Variants in RYR3 observed in about 807,000 individuals in gnomAD.
The protein encoded by RYR3 is brain ryanodine receptor-calcium release channel.
RYR3 carries 207 observed loss-of-function variants against 584.3 expected under a neutral mutation model. The observed-to-expected ratio is 0.35, with a 90% confidence interval of 0.32 to 0.40. RYR3 has a LOEUF of 0.40. Among genes scored for constraint, RYR3 ranks in the 10% least tolerant of loss-of-function variants. The pLI, the probability that RYR3 is intolerant of heterozygous loss-of-function variation, is 1.00. For synonymous variants in RYR3, 2,416 were observed against 2,248.5 expected (o/e 1.07, Z -2.11); for missense variants, 5,616 against 6,089.2 (o/e 0.92, Z 2.59).
intron 18 of RYR3, among the ~76,000 whole-genome samples, chr15:33,612,823 A>C (rs1009752094): frequency 6.6e-6 from 1 of 152,224 alleles, no homozygotes; most frequent in African/African-American, 2.4e-5. Context: ...TCTGAAGAGC[A>C]AGCTACACCA....
intron 89 of RYR3, 119 bp from the exon 90 acceptor site, chr15:33,840,706 A>G: frequency 1.2e-6 from 1 of 820,410 alleles, no homozygotes; most frequent in Non-Finnish European, 2.0e-6. Context: ...TCCTGAGAGA[A>G]GCAGAAACAT....
intron 60 of RYR3, 51 bp from the exon 61 acceptor site, chr15:33,768,607 T>A: frequency 6.5e-7 from 1 of 1,532,888 alleles, no homozygotes; most frequent in African/African-American, 1.4e-5. Flanking sequence ...ATACAAAGCG[T>A]GAGTCCTTTA....
At chr15:33,584,270 A>G in intron 14 of RYR3, 125 bp from the exon 15 acceptor site, 1 of 580,886 alleles carries the variant, frequency 1.7e-6, no homozygotes, top group Non-Finnish European at 3.1e-6. Flanking sequence ...AGGGCTAGAT[A>G]GGGTGAGATT....
At chr15:33,809,585 A>T (rs901699426) in intron 70 of RYR3, among the ~76,000 whole-genome samples, 4 of 146,562 alleles carry the variant, frequency 2.7e-5, no homozygotes, top group Non-Finnish European at 1.5e-5. Context: ...ATTGTGTCAT[A>T]GCCCAGTGCA....
At chr15:33,443,786 T>G (rs1489126104) in intron 1 of RYR3, among the ~76,000 whole-genome samples, 1 of 152,200 alleles carries the variant, frequency 6.6e-6, no homozygotes, top group African/African-American at 2.4e-5. Flanking sequence ...AGTGGGAAGC[T>G]CTTTATCACA....
chr15:33,324,386 A>G (rs937437560), intron 1 of RYR3, among the ~76,000 whole-genome samples: 9 of 152,220 alleles, frequency 5.9e-5, no homozygotes, highest in Admixed American at 5.9e-4. Context: ...GAGTAGGAGC[A>G]CAGAGTCCAA....
At chr15:33,503,105 C>T (rs577408038) in intron 2 of RYR3, among the ~76,000 whole-genome samples, 1 of 152,300 alleles carries the variant, frequency 6.6e-6, no homozygotes, top group South Asian at 2.1e-4. Context: ...AAGTTCTGGA[C>T]ATTCCTTTGA....
intron 80 of RYR3, 134 bp from the exon 81 acceptor site, chr15:33,822,860 TAC>T (rs2077181802): frequency 1.7e-6 from 1 of 583,030 alleles, no homozygotes; most frequent in African/African-American, 1.9e-5. Context: ...AAACATGATC[TAC>T]CCCATGGGAC....
chr15:33,536,597 C>A (rs1202746014), intron 5 of RYR3, among the ~76,000 whole-genome samples: 1 of 152,182 alleles, frequency 6.6e-6, no homozygotes, highest in African/African-American at 2.4e-5. Flanking sequence ...TCTGTGTGTT[C>A]CTCTTCAGGA....
chr15:33,363,290 A>C (rs1359041765), intron 1 of RYR3, among the ~76,000 whole-genome samples: 3 of 152,054 alleles, frequency 2.0e-5, no homozygotes, highest in African/African-American at 7.2e-5. Flanking sequence ...CCCTCACTCC[A>C]ACTAAAACAT....
At chr15:33,861,577 G>C (rs745705829) in intron 102 of RYR3, among the ~76,000 whole-genome samples, 1 of 151,332 alleles carries the variant, frequency 6.6e-6, no homozygotes, top group Non-Finnish European at 1.5e-5. Context: ...ACAATTGAAA[G>C]CTGTCCATGC....
Position 33,373,669 on chromosome 15 carries a change from ATTT to A in RYR3, c.51+62576_51+62578del, listed in dbSNP as rs1483202500. Reference sequence around the variant, plus strand: ...GGATACATTTCCAGGAGATAACTTGATTTTTATGTTCTGATGTGTTTTAAATTG... The same window carrying A: ...GGATACATTTCCAGGAGATAACTTGATTATGTTCTGATGTGTTTTAAATTG... On this transcript the variant is annotated intron_variant, in intron 1 of 103. Coordinates refer to ENST00000634891, the MANE Select transcript of RYR3 (RefSeq NM_001036.6). 3.3e-5 allele frequency among the ~76,000 whole-genome samples: 5 copies of A among 152,288 alleles called. No homozygotes were observed. The East Asian group carries it at 9.6e-4, about 29-fold the overall frequency.
intron 1 of RYR3, among the ~76,000 whole-genome samples, chr15:33,401,775 A>G (rs1477146676): frequency 6.6e-6 from 1 of 152,236 alleles, no homozygotes; most frequent in African/African-American, 2.4e-5. Flanking sequence ...ATTTGACAGC[A>G]TCTTAGAATA....
At chr15:33,759,074 T>C (rs1178072861) in intron 60 of RYR3, among the ~76,000 whole-genome samples, 1 of 151,974 alleles carries the variant, frequency 6.6e-6, no homozygotes, top group Admixed American at 6.6e-5. Context: ...GAAGGAAAAC[T>C]AACAAACAGA....
intron 67 of RYR3, among the ~76,000 whole-genome samples, chr15:33,789,660 T>A (rs8027690): frequency 0.026 from 211 of 8,020 alleles, no homozygotes; most frequent in Middle Eastern, 0.1. Flanking sequence ...ATATATATAT[T>A]TTTTTTTTTT....
At chr15:33,657,423 C>T (rs2062882481) in intron 32 of RYR3, among the ~76,000 whole-genome samples, 1 of 152,230 alleles carries the variant, frequency 6.6e-6, no homozygotes, top group African/African-American at 2.4e-5. Flanking sequence ...GATGAAGTTT[C>T]CTCAGCCACA....
chr15:33,546,441 TC>T (rs1312274126), intron 8 of RYR3, among the ~76,000 whole-genome samples: 3 of 152,140 alleles, frequency 2.0e-5, no homozygotes, highest in Non-Finnish European at 4.4e-5. Context: ...CAGATTTTCT[TC>T]CTAATATTTA....
intron 1 of RYR3, among the ~76,000 whole-genome samples, chr15:33,403,153 C>A (rs774227915): frequency 6.6e-6 from 1 of 152,196 alleles, no homozygotes; most frequent in South Asian, 2.1e-4. Flanking sequence ...TGAACCAGGA[C>A]TCTATAAAGA....
At chr15:33,691,275 T>A (rs1428137823) in intron 38 of RYR3, among the ~76,000 whole-genome samples, 1 of 152,202 alleles carries the variant, frequency 6.6e-6, no homozygotes, top group Non-Finnish European at 1.5e-5. Context: ...CATTGAGAGA[T>A]TATTGGTTCG....
Sources: gnomAD v4.1 joint callset for allele counts (sites outside exome capture counted in the v4.1 genomes callset) on GRCh38, gnomAD v4.1.1 for gene constraint, MANE v1.5 for transcripts, NCBI Gene and HGNC (gene_info 2026-07-23, HGNC 2026-07-21) for gene names.